Variants in CHUK observed in about 807,000 individuals in gnomAD.
CHUK encodes the protein inhibitor of nuclear factor kappa-B kinase subunit alpha.
CHUK carries 35 observed loss-of-function variants against 104.8 expected under a neutral mutation model. The observed-to-expected ratio is 0.33, with a 90% CI of 0.26 to 0.44. The LOEUF is 0.44. CHUK is among the 20% of genes least tolerant of loss of function. The probability of loss-of-function intolerance (pLI) is 1.00; values close to 1 mark genes in which losing one functional copy is unlikely to be tolerated. For missense variants in CHUK, 663 were observed against 902.7 expected (o/e 0.73, Z 3.40); for synonymous variants, 276 against 291.9 (o/e 0.95, Z 0.56).
intron 17 of CHUK, 136 bp from the exon 18 acceptor site, chr10:100,194,267 A>G: frequency 9.0e-7 from 1 of 1,115,890 alleles, no homozygotes; most frequent in Non-Finnish European, 1.3e-6. Context: ...TGCATACAAA[A>G]GGACACATAA....
intron 19 of CHUK, chr10:100,192,670 G>A: frequency 1.0e-6 from 1 of 986,668 alleles, no homozygotes; most frequent in Non-Finnish European, 1.2e-6. Flanking sequence ...AGAGCCACTG[G>A]CTTTGGATAC....
intron 11 of CHUK, among the ~76,000 whole-genome samples, chr10:100,205,700 G>A (rs1406588626): frequency 6.6e-6 from 1 of 152,176 alleles, no homozygotes; most frequent in East Asian, 1.9e-4. Flanking sequence ...AGCCAAGGCG[G>A]GCAGATCCCT....
At chr10:100,215,479 G>T (rs532234379) in intron 9 of CHUK, among the ~76,000 whole-genome samples, 1 of 151,820 alleles carries the variant, frequency 6.6e-6, no homozygotes. Flanking sequence ...AGAGAACCAA[G>T]AAGAGACTCA....
intron 2 of CHUK, 46 bp downstream of exon 2, chr10:100,225,877 G>T: frequency 9.4e-7 from 1 of 1,066,354 alleles, no homozygotes; most frequent in Non-Finnish European, 1.5e-6. Context: ...ATGACATCTG[G>T]TTGGGCTGTA....
downstream of CHUK, chr10:100,188,157 G>A (rs1035740771): frequency 9.2e-5 from 14 of 152,186 alleles, no homozygotes; most frequent in Admixed American, 7.2e-4. Flanking sequence ...ATGTTTTTTA[G>A]ATGTAGATAG....
At chr10:100,192,524 C>T in intron 19 of CHUK, 1 of 792,874 alleles carries the variant, frequency 1.3e-6, no homozygotes, top group Non-Finnish European at 1.5e-6. Context: ...GAATGTGCAA[C>T]TGCATGACCT....
At chr10:100,208,150 T>A (rs529880286) in intron 10 of CHUK, among the ~76,000 whole-genome samples, 5 of 152,198 alleles carry the variant, frequency 3.3e-5, no homozygotes, top group African/African-American at 1.2e-4. Flanking sequence ...CTGTCACCCA[T>A]GCTGGAGTGC....
downstream of CHUK, chr10:100,188,278 T>C (rs931134548): frequency 2.0e-5 from 3 of 152,618 alleles, no homozygotes; most frequent in African/African-American, 7.2e-5. Context: ...TGCTCTTAAT[T>C]CCACTTCATG....
intron 4 of CHUK, 53 bp downstream of exon 4, chr10:100,222,059 T>C (rs1846000809): frequency 1.1e-6 from 1 of 934,848 alleles, no homozygotes; most frequent in Non-Finnish European, 1.8e-6. Context: ...AAAAGATCTT[T>C]TATGGGCCAA....
chr10:100,212,178 C>T (rs917181841), intron 9 of CHUK, among the ~76,000 whole-genome samples: 2 of 152,222 alleles, frequency 1.3e-5, no homozygotes, highest in East Asian at 1.9e-4. Context: ...CCACCATGCC[C>T]GGCCAGTAGT....
rs746746496 is a variant in CHUK at position 100,194,136 on chromosome 10, A to G, written c.1827-5T>C. 4 of 1,613,086 alleles carry G rather than the reference A, an allele frequency of 2.5e-6. No homozygotes were observed. Among genetic ancestry groups the G allele is most frequent in the Non-Finnish European group, 3.4e-6 (4 of 1,179,922 alleles). On this transcript the variant is annotated splice_region_variant and splice_polypyrimidine_tract_variant and intron_variant, in intron 17 of 20. Coordinates refer to ENST00000370397, the MANE Select transcript of CHUK (RefSeq NM_001278.5). Reference sequence around the variant, plus strand: ...TGCTTACAGCCCAACAACTTGCTGGAGAGATTAAATCAGTGTCAGACACTT... The same window carrying G: ...TGCTTACAGCCCAACAACTTGCTGGGGAGATTAAATCAGTGTCAGACACTT...
At chr10:100,190,195 T>C (rs1051155899) in intron 20 of CHUK, 3 of 154,046 alleles carry the variant, frequency 1.9e-5, no homozygotes, top group African/African-American at 7.3e-5. Flanking sequence ...CCAATTTTTA[T>C]ATTTTTTATA....
intron 16 of CHUK, 177 bp from the exon 17 acceptor site, chr10:100,194,698 C>A: frequency 2.1e-6 from 1 of 481,874 alleles, no homozygotes; most frequent in Non-Finnish European, 3.7e-6. Flanking sequence ...TAAATAAAAT[C>A]TAGTTATATA....
intron 9 of CHUK, among the ~76,000 whole-genome samples, chr10:100,215,274 T>C (rs1314365907): frequency 6.6e-6 from 1 of 151,842 alleles, no homozygotes; most frequent in South Asian, 2.1e-4. Flanking sequence ...ATGTTCAGTT[T>C]TTAATAAATT....
chr10:100,218,022 T>C lies in CHUK; in HGVS notation c.906A>G (p.Val302=), dbSNP rs751156510. The C allele has an allele frequency of 1.9e-6, 3 of 1,614,172 alleles. No individual in the cohort carries two copies. The highest frequency in any genetic ancestry group is 1.1e-5 in the South Asian group (1 of 91,078). ...TCAAATTCAAAATGTGATCCATTAA[T>C]ACAAAACATCTTGGCTGCTTCAAAG... ...DLTLKQPRCF[V]LMDHILNLKI... Residue 302 remains valine (V), a synonymous_variant, in exon 9 of 21, where the codon GTA becomes GTG. Transcript: ENST00000370397.
rs1011265666 is a variant in CHUK, at chr10:100,210,083, A to T, written c.934-294T>A. On this transcript the variant is annotated intron_variant, in intron 9 of 20. Transcript: ENST00000370397. ...GAACAAGTTATTTATTTATTTATTT[A>T]TTTATTTATTTTTTTTTTTTTTGAG... Among the ~76,000 whole-genome samples, 598 of 130,188 alleles carry T rather than the reference A, an allele frequency of 4.6e-3. 1 individual carries two copies. The highest frequency in any genetic ancestry group is 0.019 in the African/African-American group (561 of 29,582). The allele number at this position is 130,188 out of a possible 152,430, so 85.4% of individuals were successfully genotyped here.
Position 100,189,452 on chromosome 10 carries a change from C to A in CHUK, c.*146G>T. 1 of 705,662 alleles carries A rather than the reference C, an allele frequency of 1.4e-6. No homozygotes were observed. 43.7% of individuals were successfully genotyped at this position (705,662 alleles called of 1,614,324 possible). A position where few individuals can be genotyped will look rare whatever the true frequency, so the allele number is the denominator to read the frequency against. ...GTTATACTTGTAAAATCATGTTCTT[C>A]TGATCATAGTAGAAATGTAGTTTCT... On this transcript the variant is annotated 3_prime_UTR_variant, in exon 21 of 21. Transcript: ENST00000370397.
rs764683365 is a variant in CHUK at position 100,222,930 on chromosome 10, T to G, written c.251A>C (p.Asn84Thr). The G allele has an allele frequency of 1.4e-5, 22 of 1,609,854 alleles. No homozygotes were observed. Among genetic ancestry groups the G allele is most frequent in the Non-Finnish European group, 1.9e-5 (22 of 1,176,356 alleles). The change falls in exon 3 of 21, where the codon AAT becomes ACT. Residue 84 changes from asparagine (N) to threonine (T), a missense_variant. By Grantham distance (65) the Asn-to-Thr change is moderately conservative. Around this residue, in one of 5 missense-constraint regions of CHUK, gnomAD observed 200 missense variants for 333.0 expected, o/e 0.60. Transcript: ENST00000370397. The stretch of plus-strand genomic sequence containing the variant: ...AAGAGGCACATCATGAATCAAAATA[T>G]TCAATTCTTCAGGAACATCACAGGC... Reference protein sequence around the residue: ...VKACDVPEELNILIHDVPLLA... With the variant: ...VKACDVPEELTILIHDVPLLA...
intron 15 of CHUK, among the ~76,000 whole-genome samples, chr10:100,200,328 A>G (rs899101942): frequency 1.3e-5 from 2 of 152,218 alleles, no homozygotes; most frequent in Non-Finnish European, 2.9e-5. Flanking sequence ...CCAGAACTTT[A>G]ATTCAGAAAA....
Sources: gnomAD v4.1 joint callset for allele counts (sites outside exome capture counted in the v4.1 genomes callset) on GRCh38, gnomAD v4.1.1 for gene constraint, gnomAD v4.1.1 regional missense constraint, MANE v1.5 for transcripts, NCBI Gene and HGNC (gene_info 2026-07-23, HGNC 2026-07-21) for gene names.